Variants in STAB1 observed in about 807,000 individuals in gnomAD.
STAB1 encodes stabilin-1.
In STAB1, 250 loss-of-function variants were observed where a neutral mutation model predicts 332.4. The ratio of observed to expected loss-of-function variants is 0.75; its 90% CI spans 0.68 to 0.84. The LOEUF (loss-of-function observed/expected upper bound fraction) is 0.84. STAB1 is among the 40% of genes least tolerant of loss of function. The pLI is 0.00. For missense variants in STAB1, 3,249 were observed against 3,489.7 expected (o/e 0.93, Z 1.74); for synonymous variants, 1,475 against 1,390.4 (o/e 1.06, Z -1.35).
chr3:52,522,121 G>A lies in STAB1; in HGVS notation c.6356G>A (p.Cys2119Tyr), dbSNP rs2079093084. 1 of 1,612,880 alleles carries A rather than the reference G, an allele frequency of 6.2e-7. No individual in the cohort carries two copies. The highest frequency in any genetic ancestry group is 8.5e-7 in the Non-Finnish European group (1 of 1,179,998). Reference sequence around the variant, plus strand: ...GTAGGAACAATGGTCACTTGTACCTGCCTGCCCGACTACGAGGGTGATGGC... The same window carrying A: ...GTAGGAACAATGGTCACTTGTACCTACCTGCCCGACTACGAGGGTGATGGC... Reference protein sequence around the residue: ...SQVGTMVTCTCLPDYEGDGWS... With the variant: ...SQVGTMVTCTYLPDYEGDGWS... The change falls in exon 59 of 69, where the codon TGC becomes TAC. Residue 2119 changes from cysteine (C) to tyrosine (Y), a missense_variant. Transcript: ENST00000321725.
chr3:52,523,868 T>C lies in STAB1; in HGVS notation c.7396-3T>C. 2 of 1,597,088 alleles carry C rather than the reference T, an allele frequency of 1.3e-6. No homozygotes were observed. Among genetic ancestry groups the C allele is most frequent in the Non-Finnish European group, 1.7e-6 (2 of 1,172,246 alleles). ...GGTCAACACTCTCCCTGTTTGTTTGTAGCAGGCAGTGCTGGCGCCTGAAGC... is the reference window on the plus strand; with the variant it reads ...GGTCAACACTCTCCCTGTTTGTTTGCAGCAGGCAGTGCTGGCGCCTGAAGC... On this transcript the variant is annotated splice_polypyrimidine_tract_variant and splice_region_variant and intron_variant, in intron 66 of 68. Coordinates refer to ENST00000321725, the MANE Select transcript of STAB1 (RefSeq NM_015136.3).
intron 64 of STAB1, 28 bp from the exon 65 acceptor site, chr3:52,523,399 A>C (rs200415318): frequency 5.7e-5 from 91 of 1,609,378 alleles, no homozygotes; most frequent in Non-Finnish European, 7.5e-5. Flanking sequence ...CATCTGGCCC[A>C]GGCCAACAGG....
At chr3:52,501,870 C>T (rs550192825) in intron 3 of STAB1, 117 bp downstream of exon 3, 15 of 1,368,754 alleles carry the variant, frequency 1.1e-5, no homozygotes, top group African/African-American at 1.4e-5. Context: ...TAATACTCAC[C>T]GAGCGCCTCC....
In STAB1 at chr3:52,506,820, C is replaced by G; in HGVS notation, c.1959C>G (p.His653Gln). Reference protein sequence around the residue: ...PPTILPILPKHCSEEQHKIVA... With the variant: ...PPTILPILPKQCSEEQHKIVA... ...CCATCCTGCCCATCCTGCCCAAGCA[C>G]TGCAGCGAGGAGCAGCACAAGATTG... The change falls in exon 18 of 69, where the codon CAC (histidine) becomes CAG (glutamine). Residue 653 changes from histidine to glutamine, a missense_variant. By Grantham distance (24) the His-to-Gln change is conservative. Transcript: ENST00000321725. 1 of 1,613,166 alleles carries G rather than the reference C, an allele frequency of 6.2e-7. No individual in the cohort carries two copies. The highest frequency in any genetic ancestry group is 8.5e-7 in the Non-Finnish European group (1 of 1,179,964).
rs1008382801 is a variant in STAB1 at position 52,505,097 on chromosome 3, C to G, written c.1472C>G (p.Thr491Ser). Residue 491 changes from threonine to serine, a missense_variant, in exon 13 of 69, where the codon ACT (threonine) becomes AGT (serine). Transcript: ENST00000321725. ...GCTAATGGCGTCTTCCACGTGGTCA[C>G]TGGCCTGCGGTGGCAGGCCCCCTCT... ...IAANGVFHVV[T>S]GLRWQAPSGT... 1 of 1,613,690 alleles carries G rather than the reference C, an allele frequency of 6.2e-7. No individual in the cohort carries two copies.
intron 1 of STAB1, 112 bp from the exon 2 acceptor site, chr3:52,501,054 G>A: frequency 6.9e-7 from 1 of 1,453,350 alleles, no homozygotes; most frequent in Non-Finnish European, 9.4e-7. Flanking sequence ...TCTGACCCCT[G>A]AGCAGATGGG....
chr3:52,520,329 G>A, intron 52 of STAB1, 39 bp downstream of exon 52: 1 of 1,612,952 alleles, frequency 6.2e-7, no homozygotes. Flanking sequence ...GGGAGTAGGA[G>A]GCAGGGGCCC....
At position 52,519,271 on chromosome 3, in the gene STAB1, T is replaced by A; in HGVS notation, c.5042T>A (p.Ile1681Lys). ...PLRFSEREGS[I>K]YLNDFARVVS... Reference sequence around the variant, plus strand: ...CCCGTGCCCCGCCCCCAGGGCAGCATATACCTCAATGACTTCGCGCGCGTG... The same window carrying A: ...CCCGTGCCCCGCCCCCAGGGCAGCAAATACCTCAATGACTTCGCGCGCGTG... Residue 1681 changes from isoleucine (I) to lysine (K), a missense_variant, in exon 49 of 69, where the codon ATA (isoleucine) becomes AAA (lysine). Coordinates refer to ENST00000321725, the MANE Select transcript of STAB1 (RefSeq NM_015136.3). 6.2e-7 allele frequency: 1 copy of A among 1,612,736 alleles called. No individual in the cohort carries two copies. The highest frequency in any genetic ancestry group is 1.7e-5 in the Admixed American group (1 of 60,018).
In STAB1 at chr3:52,503,412, G is replaced by A. The variant is rs776024440; in HGVS notation, c.763G>A (p.Ala255Thr). 1 of 1,613,594 alleles carries A rather than the reference G, an allele frequency of 6.2e-7. No homozygotes were observed. Among genetic ancestry groups the A allele is most frequent in the African/African-American group, 1.3e-5 (1 of 74,946 alleles). ...GTGCTCGGTGAGCCCCAAGGGGCAG[G>A]CTCAGTGTCACTGCCCTGAGAACTA... ...AQCSVSPKGQ[A>T]QCHCPENYHG... is the part of the protein sequence containing the mutation. Residue 255 changes from alanine to threonine, a missense_variant, in exon 8 of 69, where the codon GCT (alanine) becomes ACT (threonine). Physicochemically the swap from Ala to Thr is moderately conservative, Grantham distance 58. Transcript: ENST00000321725.
chr3:52,506,566 G>A (rs1708883929), intron 17 of STAB1, 126 bp from the exon 18 acceptor site: 13 of 1,089,908 alleles, frequency 1.2e-5, no homozygotes, highest in Non-Finnish European at 1.7e-5. Context: ...GGTATGGCCA[G>A]CGGGGCCTTC....
At chr3:52,511,794 C>A in intron 26 of STAB1, 49 bp downstream of exon 26, 1 of 1,443,772 alleles carries the variant, frequency 6.9e-7, no homozygotes, top group Non-Finnish European at 9.4e-7. Context: ...CTGGGGTGAG[C>A]CTGGGCTGCA....
chr3:52,505,750 G>C lies in STAB1; in HGVS notation c.1664G>C (p.Arg555Pro). The C allele has an allele frequency of 1.2e-6, 2 of 1,613,874 alleles. No individual in the cohort carries two copies. The highest frequency in any genetic ancestry group is 1.7e-6 in the Non-Finnish European group (2 of 1,180,038). Residue 555 changes from arginine to proline, a missense_variant, in exon 15 of 69, where the codon CGT becomes CCT. Coordinates refer to ENST00000321725, the MANE Select transcript of STAB1 (RefSeq NM_015136.3). ...AGCAATGAGGCTGTGGACAGCTTGC[G>C]TGACGGCCGCCTGATCTACCTCTTC... ...APSNEAVDSL[R>P]DGRLIYLFTA...
Position 52,501,809 on chromosome 3 carries a change from C to A in STAB1, c.331+56C>A, listed in dbSNP as rs903242843. On this transcript the variant is annotated intron_variant, in intron 3 of 68. Coordinates refer to ENST00000321725, the MANE Select transcript of STAB1 (RefSeq NM_015136.3). Reference sequence around the variant, plus strand: ...CCTCCCACCCAGCCCCAGCTCTGGGCAAGCCCTCTGCAGGAGCCACCTGCA... The same window carrying A: ...CCTCCCACCCAGCCCCAGCTCTGGGAAAGCCCTCTGCAGGAGCCACCTGCA... The A allele has an allele frequency of 5.3e-6, 8 of 1,511,860 alleles. No homozygotes were observed. The Admixed American group carries it at 1.6e-4, about 30-fold the overall frequency. 93.7% of individuals were successfully genotyped at this position (1,511,860 alleles called of 1,614,324 possible).
chr3:52,505,458 C>T, intron 14 of STAB1, 77 bp downstream of exon 14: 2 of 1,460,274 alleles, frequency 1.4e-6, no homozygotes, highest in Non-Finnish European at 9.4e-7. Flanking sequence ...CAGATTCTGC[C>T]CCACAGTGAC....
chr3:52,514,557 C>G (rs1709543488), intron 34 of STAB1, 61 bp downstream of exon 34: 2 of 1,537,034 alleles, frequency 1.3e-6, no homozygotes, highest in African/African-American at 2.8e-5. Flanking sequence ...AGATCCCTTC[C>G]CTTTGGAGTT....
At position 52,520,271 on chromosome 3, in the gene STAB1, C is replaced by T; in HGVS notation, c.5480C>T (p.Ser1827Phe). Residue 1827 changes from serine to phenylalanine, a missense_variant, in exon 52 of 69, where the codon TCC becomes TTC. Transcript: ENST00000321725. ...ATGCATGGGACCCCCATCTCTTTCT[C>T]CTGCAGCCGAACGCGGGCCGTGAGT... is the stretch of plus-strand genomic sequence containing the variant. ...RTMHGTPISF[S>F]CSRTRAGELM... is the part of the protein sequence containing the mutation. The T allele has an allele frequency of 6.2e-7, 1 of 1,613,128 alleles. No homozygotes were observed. Among genetic ancestry groups the T allele is most frequent in the Non-Finnish European group, 8.5e-7 (1 of 1,180,026 alleles).
At position 52,523,889 on chromosome 3, in the gene STAB1, G is replaced by GAAGCCCCACCTGT; in HGVS notation, c.7415_7427dup (p.Ala2477SerfsTer46). ...TTTGTAGCAGGCAGTGCTGGCGCCT[G>GAAGCCCCACCTGT]AAGCCCCACCTGTGGCGGCAGGCGT... On this transcript the variant is annotated frameshift_variant, in exon 67 of 69. Coordinates refer to ENST00000321725, the MANE Select transcript of STAB1 (RefSeq NM_015136.3). LOFTEE classifies it high-confidence loss of function. 1 of 1,604,712 alleles carries GAAGCCCCACCTGT rather than the reference G, an allele frequency of 6.2e-7. No individual in the cohort carries two copies. Among genetic ancestry groups the GAAGCCCCACCTGT allele is most frequent in the Non-Finnish European group, 8.5e-7 (1 of 1,177,382 alleles).
chr3:52,520,251 T>A lies in STAB1; in HGVS notation c.5460T>A (p.His1820Gln). The A allele has an allele frequency of 6.2e-7, 1 of 1,613,166 alleles. No individual in the cohort carries two copies. The highest frequency in any genetic ancestry group is 8.5e-7 in the Non-Finnish European group (1 of 1,180,034). Residue 1820 changes from histidine (H) to glutamine (Q), a missense_variant, in exon 52 of 69, where the codon CAT becomes CAA. By Grantham distance (24) the His-to-Gln change is conservative. Transcript: ENST00000321725. ...ACCTGGGCCCACTTCGAACCATGCA[T>A]GGGACCCCCATCTCTTTCTCCTGCA... ...LPNLGPLRTMHGTPISFSCSR... is the reference protein window; with the variant it reads ...LPNLGPLRTMQGTPISFSCSR...
intron 6 of STAB1, 45 bp from the exon 7 acceptor site, chr3:52,502,954 C>T: frequency 1.4e-6 from 2 of 1,478,084 alleles, no homozygotes; most frequent in Non-Finnish European, 1.8e-6. Flanking sequence ...GTGTTCCTCC[C>T]CAGCCTGGGC....
Sources: allele counts gnomAD v4.1 joint callset, GRCh38; gene constraint gnomAD v4.1.1; transcripts MANE v1.5; gene names NCBI Gene and HGNC (gene_info 2026-07-23, HGNC 2026-07-21).